Variants in CRISPLD2 observed in about 807,000 individuals in gnomAD.
CRISPLD2 encodes the protein cysteine-rich secretory protein LCCL domain-containing 2.
In CRISPLD2, 47 loss-of-function variants were observed where a neutral mutation model predicts 71.1. The observed-to-expected ratio is 0.66, with a 90% CI of 0.52 to 0.84. The LOEUF (loss-of-function observed/expected upper bound fraction) is 0.84, where lower values mean the gene tolerates loss of function less well. Among genes scored for constraint, CRISPLD2 ranks in the 40% least tolerant of loss-of-function variants. The probability of loss-of-function intolerance (pLI) is 0.00; values close to 1 mark genes in which losing one functional copy is unlikely to be tolerated. For missense variants in CRISPLD2, 830 were observed against 651.1 expected (o/e 1.27, Z -2.99); for synonymous variants, 317 against 250.1 (o/e 1.27, Z -2.52).
intron 3 of CRISPLD2, 72 bp from the exon 4 acceptor site, chr16:84,849,313 C>T (rs901093113): frequency 1.1e-5 from 16 of 1,452,222 alleles, no homozygotes; most frequent in African/African-American, 2.8e-5. Context: ...CCTACCTGCC[C>T]GTGGCTGCTG....
intron 5 of CRISPLD2, among the ~76,000 whole-genome samples, chr16:84,853,521 T>C (rs890809399): frequency 6.6e-6 from 1 of 152,198 alleles, no homozygotes; most frequent in African/African-American, 2.4e-5. Context: ...CACGGCCCAC[T>C]GTCCCTCCCC....
chr16:84,844,259 A>T (rs1401378695), intron 2 of CRISPLD2, among the ~76,000 whole-genome samples: 3 of 152,214 alleles, frequency 2.0e-5, no homozygotes, highest in African/African-American at 7.2e-5. Flanking sequence ...ACCCCTGCTC[A>T]GGCCCCACTG....
In CRISPLD2 at chr16:84,866,981, T is replaced by A; in HGVS notation, c.794T>A (p.Leu265His). 6.2e-7 allele frequency: 1 copy of A among 1,613,946 alleles called. No individual in the cohort carries two copies. Among genetic ancestry groups the A allele is most frequent in the South Asian group, 1.1e-5 (1 of 91,068 alleles). The change falls in exon 7 of 15, where the codon CTC (leucine) becomes CAC (histidine). Residue 265 changes from leucine to histidine, a missense_variant. By Grantham distance (99) the Leu-to-His change is moderately conservative. Transcript: ENST00000262424. ...ATTCCTGAAGAAAACCATGTTTGGC[T>A]CCAACCGAGGGTGATGAGACCCACC... ...APIPEENHVW[L>H]QPRVMRPTKP...
At chr16:84,864,583 C>G (rs533249113) in intron 6 of CRISPLD2, among the ~76,000 whole-genome samples, 1 of 152,342 alleles carries the variant, frequency 6.6e-6, no homozygotes, top group African/African-American at 2.4e-5. Flanking sequence ...CTTTTGCTAC[C>G]AGAGGTGCTT....
At position 84,873,137 on chromosome 16, in the gene CRISPLD2, A is replaced by T. The variant is rs746002704; in HGVS notation, c.1112+15A>T. ...CAGTCCCTCAGGTAACTACTCTGTG[A>T]TCGGGGCTCTGTGAAACGGTTTTCC... On this transcript the variant is annotated intron_variant, in intron 10 of 14. Coordinates refer to ENST00000262424, the MANE Select transcript of CRISPLD2 (RefSeq NM_031476.4). 3 of 1,603,610 alleles carry T rather than the reference A, an allele frequency of 1.9e-6. No homozygotes were observed. Among genetic ancestry groups the T allele is most frequent in the African/African-American group, 2.7e-5 (2 of 74,192 alleles).
intron 14 of CRISPLD2, among the ~76,000 whole-genome samples, chr16:84,895,735 G>A (rs11863289): frequency 0.016 from 2,403 of 152,256 alleles, 58 homozygotes; most frequent in African/African-American, 0.055. Flanking sequence ...TCACTTTGAA[G>A]GGAGGGCAAG....
chr16:84,878,703 G>A (rs1027730237), intron 12 of CRISPLD2, among the ~76,000 whole-genome samples: 1 of 152,166 alleles, frequency 6.6e-6, no homozygotes, highest in Non-Finnish European at 1.5e-5. Context: ...CTTGGGAAGG[G>A]AACACAGGAA....
At position 84,879,664 on chromosome 16, in the gene CRISPLD2, C is replaced by T. The variant is rs982150364; in HGVS notation, c.1230-845C>T. On this transcript the variant is annotated intron_variant, in intron 12 of 14. Coordinates refer to ENST00000262424, the MANE Select transcript of CRISPLD2 (RefSeq NM_031476.4). ...GGTGTGAGCCACTGCACCTGGCCTT[C>T]TTTTTTTTTTTTAAATCCACACACA... Among the ~76,000 whole-genome samples, 699 of 146,686 alleles carry T rather than the reference C, an allele frequency of 4.8e-3. 6 individuals carry two copies. Among genetic ancestry groups the T allele is most frequent in the African/African-American group, 0.016 (657 of 40,406 alleles).
In CRISPLD2 at chr16:84,889,218, C is replaced by G; in HGVS notation, c.1306-12C>G. The G allele has an allele frequency of 6.2e-7, 1 of 1,614,034 alleles. No homozygotes were observed. Among genetic ancestry groups the G allele is most frequent in the Non-Finnish European group, 8.5e-7 (1 of 1,179,944 alleles). Reference sequence around the variant, plus strand: ...TCCGCATCGCTGATCACAGCCCTTCCTGTGCTTCCAGACCTCAAGCATCTG... The same window carrying G: ...TCCGCATCGCTGATCACAGCCCTTCGTGTGCTTCCAGACCTCAAGCATCTG... On this transcript the variant is annotated splice_polypyrimidine_tract_variant and intron_variant, in intron 13 of 14. Transcript: ENST00000262424.
At chr16:84,833,187 G>C (rs1479251115) in intron 1 of CRISPLD2, among the ~76,000 whole-genome samples, 1 of 152,196 alleles carries the variant, frequency 6.6e-6, no homozygotes, top group African/African-American at 2.4e-5. Flanking sequence ...GCTCTGGGCA[G>C]CGCGGGAGAA....
chr16:84,826,899 C>G (rs952407262), intron 1 of CRISPLD2, among the ~76,000 whole-genome samples: 26 of 152,220 alleles, frequency 1.7e-4, no homozygotes, highest in Non-Finnish European at 3.2e-4. Flanking sequence ...TTTTCTCTTG[C>G]ATAATGGTGT....
intron 1 of CRISPLD2, among the ~76,000 whole-genome samples, chr16:84,829,721 A>G (rs1188859988): frequency 6.6e-6 from 1 of 152,184 alleles, no homozygotes; most frequent in Non-Finnish European, 1.5e-5. Context: ...ATGAATCGAC[A>G]TTGTCCTCAG....
At chr16:84,889,195 C>G in intron 13 of CRISPLD2, 35 bp from the exon 14 acceptor site, 1 of 1,613,456 alleles carries the variant, frequency 6.2e-7, no homozygotes, top group Non-Finnish European at 8.5e-7. Flanking sequence ...AGCTGGAATC[C>G]GCATCGCTGA....
chr16:84,847,495 C>CA (rs751493981), intron 3 of CRISPLD2, among the ~76,000 whole-genome samples: 103 of 151,996 alleles, frequency 6.8e-4, no homozygotes, highest in Non-Finnish European at 7.8e-4. Context: ...ACTAAAAATA[C>CA]AAAAAATTAG....
intron 6 of CRISPLD2, 93 bp from the exon 7 acceptor site, chr16:84,866,804 C>T (rs986506175): frequency 3.3e-6 from 4 of 1,221,900 alleles, no homozygotes; most frequent in South Asian, 1.3e-5. Flanking sequence ...AAACCTCAAA[C>T]ACGTTTAGTT....
chr16:84,824,188 G>C (rs1409984375), intron 1 of CRISPLD2, among the ~76,000 whole-genome samples: 1 of 152,184 alleles, frequency 6.6e-6, no homozygotes, highest in Admixed American at 6.6e-5. Context: ...CCTGCAGGTG[G>C]AGAAGGGCCT....
rs544578854 is a variant in CRISPLD2, at chr16:84,864,519, C to T, written c.710-2378C>T. On this transcript the variant is annotated intron_variant, in intron 6 of 14. Coordinates refer to ENST00000262424, the MANE Select transcript of CRISPLD2 (RefSeq NM_031476.4). ...GCCTCATTGACGGGAAGAACAGACA[C>T]GCGCCTGGGCAGCCTCTGCAAACCC... is the stretch of plus-strand genomic sequence containing the variant. 7.2e-5 allele frequency among the ~76,000 whole-genome samples: 11 copies of T among 152,356 alleles called. No individual in the cohort carries two copies. The South Asian group carries it at 1.9e-3, about 26-fold the overall frequency.
intron 2 of CRISPLD2, among the ~76,000 whole-genome samples, chr16:84,843,435 G>A (rs542080860): frequency 1.6e-3 from 239 of 152,328 alleles, no homozygotes; most frequent in Non-Finnish European, 2.8e-3. Context: ...AAACCCCAAA[G>A]AGTTGAGCAG....
intron 14 of CRISPLD2, among the ~76,000 whole-genome samples, chr16:84,897,910 C>T (rs143853861): frequency 5.3e-5 from 8 of 152,242 alleles, no homozygotes; most frequent in African/African-American, 1.9e-4. Flanking sequence ...AGCTACCACA[C>T]CCGGCTTAAA....
Sources: allele counts gnomAD v4.1 joint callset (sites outside exome capture counted in the v4.1 genomes callset), GRCh38; gene constraint gnomAD v4.1.1; transcripts MANE v1.5; gene names NCBI Gene and HGNC (gene_info 2026-07-23, HGNC 2026-07-21).